TECRL: variants seen among roughly 807,000 people sequenced by gnomAD.
TECRL encodes trans-2,3-enoyl-CoA reductase-like.
Under a neutral mutation model 52.8 loss-of-function variants are expected in TECRL, and 63 were observed. The observed-to-expected ratio is 1.19, with a 90% CI of 0.97 to 1.47. TECRL has a LOEUF of 1.47. Ranked by LOEUF, TECRL falls within the 40% of genes most tolerant of loss-of-function variation. The pLI, the probability that TECRL is intolerant of heterozygous loss-of-function variation, is 0.00. For synonymous variants in TECRL, 164 were observed against 141.9 expected, an observed-to-expected ratio of 1.16 and a Z score of -1.10; for missense variants, 482 against 429.6, an observed-to-expected ratio of 1.12 and a Z score of -1.08.
intron 2 of TECRL, among the ~76,000 whole-genome samples, chr4:64,334,100 AT>A (rs1020973727): frequency 1.3e-5 from 2 of 150,084 alleles, no homozygotes; most frequent in Non-Finnish European, 3.0e-5. Context: ...TGAATATGTT[AT>A]TTTATTAGAA....
intron 2 of TECRL, among the ~76,000 whole-genome samples, chr4:64,363,208 G>A (rs1031848779): frequency 1.6e-4 from 24 of 152,092 alleles, no homozygotes; most frequent in African/African-American, 5.6e-4. Flanking sequence ...AGAGGTTTAT[G>A]AAGAGACTTA....
intron 1 of TECRL, among the ~76,000 whole-genome samples, chr4:64,399,719 T>A (rs950774722): frequency 1.3e-5 from 2 of 152,134 alleles, no homozygotes; most frequent in Non-Finnish European, 2.9e-5. Context: ...GTGTAAGTGG[T>A]TTTAAGCCTG....
chr4:64,371,307 A>T (rs1721958367), intron 2 of TECRL, among the ~76,000 whole-genome samples: 1 of 151,180 alleles, frequency 6.6e-6, no homozygotes, highest in African/African-American at 2.4e-5. Flanking sequence ...TAATTAAATT[A>T]TAATTATAAC....
intron 2 of TECRL, among the ~76,000 whole-genome samples, chr4:64,347,546 G>A (rs540835685): frequency 2.5e-4 from 38 of 152,190 alleles, no homozygotes; most frequent in Middle Eastern, 3.4e-3. Flanking sequence ...GCATGGCTGG[G>A]GAGGCCTCAG....
chr4:64,295,654 T>C (rs1577819298), intron 8 of TECRL, among the ~76,000 whole-genome samples: 1 of 151,946 alleles, frequency 6.6e-6, no homozygotes, highest in Non-Finnish European at 1.5e-5. Context: ...TTCATGATTT[T>C]TTCACAGGAG....
intron 5 of TECRL, among the ~76,000 whole-genome samples, chr4:64,312,119 T>C (rs1026290959): frequency 2.0e-5 from 3 of 152,206 alleles, no homozygotes; most frequent in African/African-American, 7.2e-5. Context: ...CGGTCACATA[T>C]AGAAATCTGC....
rs200027448 is a variant in TECRL at position 64,345,703 on chromosome 4, TA to T, written c.287-17148del. ...TACCCTAAAACTTAAAGTATAATAA[TA>T]AAAAAAAAGAAGTTAAAGGTTTTCT... On this transcript the variant is annotated intron_variant, in intron 2 of 11. Transcript: ENST00000381210. Among the ~76,000 whole-genome samples the T allele has an allele frequency of 5.9e-3, 878 of 149,132 alleles. 10 individuals carry two copies. Among genetic ancestry groups the T allele is most frequent in the African/African-American group, 0.02 (797 of 40,670 alleles).
rs542544347 is a variant in TECRL at position 64,381,115 on chromosome 4, T to C, written c.235-5892A>G. Among the ~76,000 whole-genome samples the C allele has an allele frequency of 9.2e-5, 14 of 152,192 alleles. No individual in the cohort carries two copies. In the South Asian group the frequency reaches 2.9e-3, roughly 32 times the overall value. On this transcript the variant is annotated intron_variant, in intron 1 of 11. Transcript: ENST00000381210. ...GTTTTCCTTGTAAAGTTCTTTCCCC[T>C]TCCTGGTTAAATTTATTCAATTTTT...
chr4:64,342,015 G>A (rs530959892), intron 2 of TECRL, among the ~76,000 whole-genome samples: 10 of 152,128 alleles, frequency 6.6e-5, no homozygotes, highest in Admixed American at 1.3e-4. Context: ...TGAGCTCAGT[G>A]CAACCTGCCA....
intron 2 of TECRL, among the ~76,000 whole-genome samples, chr4:64,364,192 T>TA (rs1034715970): frequency 6.6e-6 from 1 of 150,982 alleles, no homozygotes; most frequent in African/African-American, 2.4e-5. Flanking sequence ...GGCAGAAATT[T>TA]AAAAAAAAAT....
chr4:64,297,839 C>T (rs1222729391), intron 8 of TECRL, among the ~76,000 whole-genome samples: 1 of 151,072 alleles, frequency 6.6e-6, no homozygotes, highest in Non-Finnish European at 1.5e-5. Flanking sequence ...AGTTTCCTAA[C>T]ACTAATATCT....
At chr4:64,404,896 G>A (rs773696439) in intron 1 of TECRL, among the ~76,000 whole-genome samples, 7 of 151,990 alleles carry the variant, frequency 4.6e-5, no homozygotes, top group African/African-American at 9.7e-5. Flanking sequence ...GAACATGAAT[G>A]CTGTGTCAAA....
At chr4:64,293,710 G>T (rs1251387537) in intron 8 of TECRL, among the ~76,000 whole-genome samples, 2 of 151,762 alleles carry the variant, frequency 1.3e-5, no homozygotes, top group Non-Finnish European at 2.9e-5. Context: ...CTTCCTTAAA[G>T]AAATGAAAAT....
Position 64,307,695 on chromosome 4 carries a change from A to C in TECRL, c.657+2131T>G, listed in dbSNP as rs541126232. On this transcript the variant is annotated intron_variant, in intron 6 of 11. Coordinates refer to ENST00000381210, the MANE Select transcript of TECRL (RefSeq NM_001010874.5). ...CTCTGGGCAAGCCCCAACATCACTC[A>C]TTTATAGAGGCCTTCCAGAATTTAA... 2.0e-5 allele frequency among the ~76,000 whole-genome samples: 3 copies of C among 152,272 alleles called. No homozygotes were observed. In the South Asian group the frequency reaches 6.2e-4, roughly 32 times the overall value.
intron 8 of TECRL, among the ~76,000 whole-genome samples, chr4:64,295,171 T>G (rs1442525881): frequency 6.6e-6 from 1 of 151,628 alleles, no homozygotes; most frequent in Non-Finnish European, 1.5e-5. Context: ...GTGTAAATTT[T>G]GGGTTTAACC....
intron 3 of TECRL, among the ~76,000 whole-genome samples, chr4:64,323,453 C>T (rs282246): frequency 0.96 from 146,490 of 152,190 alleles, 70,751 homozygotes; most frequent in East Asian, 1. Context: ...TAGAACTACA[C>T]CTCAACTACT....
At chr4:64,328,628 T>C in intron 2 of TECRL, 72 bp from the exon 3 acceptor site, 1 of 1,300,000 alleles carries the variant, frequency 7.7e-7, no homozygotes, top group Non-Finnish European at 1.1e-6. Context: ...ACTGTTTCCA[T>C]GGGAAGACCA....
chr4:64,388,086 A>G (rs754771765), intron 1 of TECRL, among the ~76,000 whole-genome samples: 2 of 151,710 alleles, frequency 1.3e-5, no homozygotes, highest in Non-Finnish European at 2.9e-5. Context: ...ATCCAAGGTC[A>G]TGAAGATTTT....
rs186376155 is a variant in TECRL, at chr4:64,306,233, T to G, written c.658-995A>C. ...AAGACTCAAAAGACAAGCTTACCAA[T>G]GAGGACTTTGTCAAAACCTCTTCAT... is the stretch of plus-strand genomic sequence containing the variant. On this transcript the variant is annotated intron_variant, in intron 6 of 11. Transcript: ENST00000381210. Among the ~76,000 whole-genome samples the G allele has an allele frequency of 1.6e-4, 24 of 152,272 alleles. 1 individual carries two copies. Among genetic ancestry groups the G allele is most frequent in the Non-Finnish European group, 2.6e-4 (18 of 68,018 alleles).
Sources: gnomAD v4.1 joint callset for allele counts (sites outside exome capture counted in the v4.1 genomes callset) on GRCh38, gnomAD v4.1.1 for gene constraint, MANE v1.5 for transcripts, NCBI Gene and HGNC (gene_info 2026-07-23, HGNC 2026-07-21) for gene names.